Variants in MZT2A observed in about 807,000 individuals in gnomAD.
MZT2A encodes mitotic spindle organizing protein 2A, also known as mitotic-spindle organizing protein 2A.
A neutral mutation model predicts 12.4 loss-of-function variants in MZT2A; 8 were observed. The observed-to-expected ratio is 0.64, with a 90% CI of 0.38 to 1.16. The LOEUF (loss-of-function observed/expected upper bound fraction) is 1.16. Ranked by LOEUF, MZT2A falls within the 50% of genes most tolerant of loss-of-function variation. The pLI, the probability that MZT2A is intolerant of heterozygous loss-of-function variation, is 0.01. For missense variants in MZT2A, 181 were observed against 223.6 expected (o/e 0.81, Z 1.22); for synonymous variants, 88 against 107.5 (o/e 0.82, Z 1.12).
chr2:131,472,764 T>A (rs1678492725), intron 2 of MZT2A, among the ~76,000 whole-genome samples: 1 of 152,196 alleles, frequency 6.6e-6, no homozygotes, highest in Admixed American at 6.5e-5. Context: ...TCAACGAAAT[T>A]ACCTGATGAT....
At chr2:131,476,099 G>C in intron 2 of MZT2A, 1 of 1,569,110 alleles carries the variant, frequency 6.4e-7, no homozygotes, top group Non-Finnish European at 8.6e-7. Context: ...GGCCAATCCC[G>C]TGCGGCGCGC....
At chr2:131,493,351 G>T (rs898297576), upstream of MZT2A, among the ~76,000 whole-genome samples, 2 of 152,190 alleles carry the variant, frequency 1.3e-5, no homozygotes, top group African/African-American at 2.4e-5. Context: ...TTCCCGCGCC[G>T]CTCGTACACT....
rs561836661 is a variant in MZT2A, at chr2:131,492,090, G to C, written c.171-66C>G. 11,648 of 1,569,688 alleles carry C rather than the reference G, an allele frequency of 7.4e-3. 110 individuals carry two copies. The highest frequency in any genetic ancestry group is 0.036 in the Middle Eastern group (162 of 4,484). Reference sequence around the variant, plus strand: ...CGGCGCGGCCACCTCCCTGAAGACCGGACAAGGACGGGGGCGGGGGCAGCG... The same window carrying C: ...CGGCGCGGCCACCTCCCTGAAGACCCGACAAGGACGGGGGCGGGGGCAGCG... On this transcript the variant is annotated intron_variant, in intron 1 of 2. Coordinates refer to ENST00000309451, the MANE Select transcript of MZT2A (RefSeq NM_001085365.2).
At chr2:131,483,931 A>T (rs892657983), downstream of MZT2A, 351 of 517,200 alleles carry the variant, frequency 6.8e-4, 1 homozygote, top group East Asian at 2.5e-3. Flanking sequence ...CCTTAATATA[A>T]AAAAAAAAAA....
intron 2 of MZT2A, chr2:131,476,270 G>C: frequency 6.2e-7 from 1 of 1,611,712 alleles, no homozygotes; most frequent in Non-Finnish European, 8.5e-7. Context: ...GTGGACAGAG[G>C]GACGTTGTTG....
intron 2 of MZT2A, chr2:131,490,680 ACCAACCC>A: frequency 3.2e-6 from 5 of 1,549,456 alleles, no homozygotes; most frequent in Non-Finnish European, 4.4e-6. Flanking sequence ...AAGGAAGAGC[ACCAACCC>A]CCAGAGATAA....
intron 2 of MZT2A, chr2:131,491,622 T>C (rs2104743348): frequency 4.9e-6 from 3 of 613,074 alleles, no homozygotes; most frequent in East Asian, 5.9e-5. Flanking sequence ...GGGGAGGAGC[T>C]AAGCGGAGGA....
At chr2:131,479,498 A>AG, downstream of MZT2A, 1 of 1,604,736 alleles carries the variant, frequency 6.2e-7, no homozygotes, top group South Asian at 1.1e-5. Flanking sequence ...CTTGCATGGG[A>AG]GGGGTAGTTC....
At chr2:131,475,955 G>A in intron 2 of MZT2A, 3 of 700,168 alleles carry the variant, frequency 4.3e-6, no homozygotes, top group African/African-American at 1.9e-5. Context: ...GACCCCCGCT[G>A]CCTTCCCGCC....
intron 2 of MZT2A, among the ~76,000 whole-genome samples, chr2:131,485,158 G>A (rs567308144): frequency 1.4e-3 from 214 of 152,248 alleles, no homozygotes; most frequent in African/African-American, 4.9e-3. Context: ...GGTCTGACCC[G>A]TGGGCTCTAA....
chr2:131,470,678 A>C (rs1442291181), intron 3 of MZT2A, among the ~76,000 whole-genome samples: 2 of 148,726 alleles, frequency 1.3e-5, no homozygotes, highest in African/African-American at 2.6e-5. Flanking sequence ...AAGGTGAATA[A>C]AGCATTTGGG....
chr2:131,493,050 G>T, upstream of MZT2A: 1 of 1,489,536 alleles, frequency 6.7e-7, no homozygotes, highest in African/African-American at 1.4e-5. Flanking sequence ...CGCGGGGCGT[G>T]GCTCTGCGCG....
chr2:131,475,626 C>T lies in MZT2A; in HGVS notation c.279-3444G>A, dbSNP rs566386344. On this transcript the variant is annotated intron_variant and NMD_transcript_variant, in intron 2 of 4. Coordinates refer to the MZT2A transcript ENST00000427024. ...GATTGCGGGCGTTAGCCATCGCGCC[C>T]GGCCCGTTTTCTCCTTTTGGGTCAC... Among the ~76,000 whole-genome samples the T allele has an allele frequency of 2.6e-3, 400 of 152,288 alleles. 2 individuals are homozygous for T. Among genetic ancestry groups the T allele is most frequent in the South Asian group, 0.023 (110 of 4,830 alleles).
At chr2:131,484,622 C>T (rs1678982900) in intron 2 of MZT2A, among the ~76,000 whole-genome samples, 1 of 152,224 alleles carries the variant, frequency 6.6e-6, no homozygotes, top group Non-Finnish European at 1.5e-5. Context: ...GCTGCCTCAT[C>T]CTCAAGGTGT....
chr2:131,492,993 T>G (rs1679412860), upstream of MZT2A: 3 of 1,511,448 alleles, frequency 2.0e-6, no homozygotes, highest in Non-Finnish European at 2.7e-6. Context: ...CGCACGTACC[T>G]TTTGAGGTAA....
At position 131,476,019 on chromosome 2, in the gene MZT2A, A is replaced by G. The variant is rs1678650781; in HGVS notation, c.279-3837T>C. On this transcript the variant is annotated intron_variant and NMD_transcript_variant, in intron 2 of 4. Transcript: ENST00000427024. ...CAGTACACATGTTGAGCAATGGCCA[A>G]TCAGAACTGGGATCCGGCCCTCAGC... is the stretch of plus-strand genomic sequence containing the variant. 5 of 1,186,992 alleles carry G rather than the reference A, an allele frequency of 4.2e-6. No individual in the cohort carries two copies. The Admixed American group carries it at 7.2e-5, about 17-fold the overall frequency. 73.5% of individuals were successfully genotyped at this position (1,186,992 alleles called of 1,614,324 possible). A position where few individuals can be genotyped will look rare whatever the true frequency, so the allele number is the denominator to read the frequency against.
intron 2 of MZT2A, chr2:131,489,309 C>G (rs1055455181): frequency 2.6e-5 from 4 of 151,974 alleles, no homozygotes; most frequent in South Asian, 2.1e-4. Flanking sequence ...ATCCTCCCAC[C>G]TCAGCCTCCC....
chr2:131,489,687 A>G, intron 2 of MZT2A: 2 of 214,234 alleles, frequency 9.3e-6, no homozygotes, highest in Non-Finnish European at 1.6e-5. Flanking sequence ...TAGTTTTTGT[A>G]TTTTTTGTAG....
chr2:131,487,294 A>G (rs781030627), intron 2 of MZT2A, among the ~76,000 whole-genome samples: 3 of 152,128 alleles, frequency 2.0e-5, no homozygotes, highest in Non-Finnish European at 4.4e-5. Context: ...AGCTGGGACA[A>G]CATAGTGAGA....
Sources: allele counts gnomAD v4.1 joint callset (sites outside exome capture counted in the v4.1 genomes callset), GRCh38; gene constraint gnomAD v4.1.1; transcripts MANE v1.5; gene names NCBI Gene and HGNC (gene_info 2026-07-23, HGNC 2026-07-21).